The following REV3L variants were observed in gnomAD, a reference collection of about 807,000 sequenced individuals.
The protein encoded by REV3L is REV3 like, DNA directed polymerase zeta catalytic subunit.
Under a neutral mutation model 299.4 loss-of-function variants are expected in REV3L, and 69 were observed. The ratio of observed to expected loss-of-function variants is 0.23; its 90% CI spans 0.19 to 0.28. The LOEUF (loss-of-function observed/expected upper bound fraction) is 0.28. REV3L is among the 10% of genes least tolerant of loss of function. The pLI, the probability that REV3L is intolerant of heterozygous loss-of-function variation, is 1.00. For missense variants in REV3L, 3,128 were observed against 3,693.8 expected (o/e 0.85, Z 3.97); for synonymous variants, 1,238 against 1,271.4 (o/e 0.97, Z 0.56).
In REV3L at chr6:111,389,086, G is replaced by C. The variant is rs780010677; in HGVS notation, c.862+20C>G. 1 of 1,526,394 alleles carries C rather than the reference G, an allele frequency of 6.6e-7. No individual in the cohort carries two copies. The allele number at this position is 1,526,394 out of a possible 1,614,324, so 94.6% of individuals were successfully genotyped here. On this transcript the variant is annotated intron_variant, in intron 7 of 31. Transcript: ENST00000368802. The stretch of plus-strand genomic sequence containing the variant: ...AATACTTGATTTAAAAGAATAATCA[G>C]AGCACTATTAGGTTTATACCTTGTG...
chr6:111,375,583 C>T lies in REV3L; in HGVS notation c.2772G>A (p.Lys924=), dbSNP rs1241519031. ...CACTGTCTTCAGTCTCATAATTTAC[C>T]TTGCGTTTGGCTCTAAGTGTGTATT... ...GNKYTLRAKR[K]VNYETEDSES... Residue 924 remains lysine (K), a synonymous_variant, in exon 13 of 32, where the codon AAG becomes AAA. Transcript: ENST00000368802. 13 of 1,613,666 alleles carry T rather than the reference C, an allele frequency of 8.1e-6. No individual in the cohort carries two copies. The highest frequency in any genetic ancestry group is 1.1e-5 in the Non-Finnish European group (13 of 1,179,862).
Position 111,374,231 on chromosome 6 carries a change from G to A in REV3L, c.4124C>T (p.Ser1375Phe), listed in dbSNP as rs745934734. 6.2e-7 allele frequency: 1 copy of A among 1,613,526 alleles called. No homozygotes were observed. The highest frequency in any genetic ancestry group is 8.5e-7 in the Non-Finnish European group (1 of 1,179,554). Residue 1375 changes from serine (S) to phenylalanine (F), a missense_variant, in exon 13 of 32, where the codon TCT becomes TTT. Ser to Phe is a radical substitution (Grantham distance 155). Coordinates refer to ENST00000368802, the MANE Select transcript of REV3L (RefSeq NM_001372078.1). ...LSQVAQNTQISSGMSSKIEDN... is the reference protein window; with the variant it reads ...LSQVAQNTQIFSGMSSKIEDN... ...TTCTATCTTTGAGGACATACCAGAA[G>A]ATATCTGTGTATTCTGTGCTACCTG...
chr6:111,302,534 T>C (rs914582925), intron 31 of REV3L, among the ~76,000 whole-genome samples: 1 of 152,198 alleles, frequency 6.6e-6, no homozygotes, highest in Non-Finnish European at 1.5e-5. Flanking sequence ...TTGTAGCACA[T>C]AGGGAGGCAG....
intron 25 of REV3L, among the ~76,000 whole-genome samples, chr6:111,329,121 G>A (rs577988168): frequency 6.6e-6 from 1 of 152,136 alleles, no homozygotes; most frequent in African/African-American, 2.4e-5. Flanking sequence ...TTGGCTCACT[G>A]CAACCTCTGC....
intron 29 of REV3L, 81 bp downstream of exon 29, chr6:111,310,988 T>C: frequency 8.9e-7 from 1 of 1,128,436 alleles, no homozygotes. Flanking sequence ...TCTGTGTCTA[T>C]GGACTGTCTT....
At chr6:111,391,603 A>G (rs1005626176) in intron 5 of REV3L, among the ~76,000 whole-genome samples, 6 of 152,162 alleles carry the variant, frequency 3.9e-5, no homozygotes, top group Non-Finnish European at 7.4e-5. Flanking sequence ...ATCATAATAT[A>G]TTCCTTTCTC....
In REV3L at chr6:111,351,636, C is replaced by A. The variant is rs748227596; in HGVS notation, c.7300+40G>T. ...CTGTCTTTATTTCCTTTATAATTTG[C>A]TCTGTAGTTGAATGACAAAACATTC... On this transcript the variant is annotated intron_variant, in intron 19 of 31. Coordinates refer to ENST00000368802, the MANE Select transcript of REV3L (RefSeq NM_001372078.1). 12 of 1,465,886 alleles carry A rather than the reference C, an allele frequency of 8.2e-6. No individual in the cohort carries two copies. In the Admixed American group the frequency reaches 1.9e-4, roughly 24 times the overall value. The allele number at this position is 1,465,886 out of a possible 1,614,324, so 90.8% of individuals were successfully genotyped here.
chr6:111,393,353 T>C (rs1368756630), intron 4 of REV3L, among the ~76,000 whole-genome samples: 1 of 152,154 alleles, frequency 6.6e-6, no homozygotes, highest in Non-Finnish European at 1.5e-5. Context: ...TACTCATAAA[T>C]TACAGATCCC....
chr6:111,481,187 C>T (rs909485690), intron 1 of REV3L, among the ~76,000 whole-genome samples: 4 of 152,264 alleles, frequency 2.6e-5, no homozygotes, highest in African/African-American at 4.8e-5. Context: ...TAGCATGTCA[C>T]TTTATGATTC....
chr6:111,471,621 A>C (rs920006532), intron 1 of REV3L, among the ~76,000 whole-genome samples: 54 of 152,244 alleles, frequency 3.5e-4, no homozygotes, highest in Non-Finnish European at 6.5e-4. Flanking sequence ...TAATAATGCT[A>C]TGCTGTAGAA....
chr6:111,387,043 C>A (rs1002864618), intron 9 of REV3L, among the ~76,000 whole-genome samples: 3 of 151,956 alleles, frequency 2.0e-5, no homozygotes, highest in African/African-American at 7.3e-5. Context: ...TCTTACCAGG[C>A]AAAAGTGAAA....
At chr6:111,430,984 G>T (rs998465369) in intron 1 of REV3L, 2 of 1,575,480 alleles carry the variant, frequency 1.3e-6, no homozygotes, top group Admixed American at 3.6e-5. Flanking sequence ...CTTTGCAGGG[G>T]TTCAAAGAGG....
At chr6:111,358,604 T>C (rs1404473515) in intron 17 of REV3L, among the ~76,000 whole-genome samples, 1 of 152,106 alleles carries the variant, frequency 6.6e-6, no homozygotes, top group African/African-American at 2.4e-5. Context: ...TGGGACTATA[T>C]ATAAGCAGGC....
chr6:111,463,480 T>C (rs981404203), intron 1 of REV3L, among the ~76,000 whole-genome samples: 3 of 152,220 alleles, frequency 2.0e-5, no homozygotes, highest in Non-Finnish European at 4.4e-5. Context: ...AGAAAAGTGC[T>C]GTTAAGTAAA....
intron 1 of REV3L, among the ~76,000 whole-genome samples, chr6:111,453,658 G>A (rs557779681): frequency 6.0e-4 from 92 of 152,258 alleles, no homozygotes; most frequent in African/African-American, 2.1e-3. Flanking sequence ...ATTATCACAA[G>A]AATATTTCCT....
chr6:111,388,287 C>T (rs1781545859), intron 7 of REV3L, among the ~76,000 whole-genome samples: 2 of 152,078 alleles, frequency 1.3e-5, no homozygotes, highest in African/African-American at 4.8e-5. Context: ...GCACTTAAGT[C>T]AGTTCAAGAT....
intron 1 of REV3L, among the ~76,000 whole-genome samples, chr6:111,443,289 C>CA (rs1788487054): frequency 6.6e-6 from 1 of 152,066 alleles, no homozygotes; most frequent in Non-Finnish European, 1.5e-5. Flanking sequence ...GCTGGGACTA[C>CA]AGGCGCCGCC....
chr6:111,431,376 C>T, intron 1 of REV3L: 1 of 964,252 alleles, frequency 1.0e-6, no homozygotes, highest in East Asian at 2.4e-5. Context: ...TCAAGACAGG[C>T]TCATAGCGCT....
intron 4 of REV3L, among the ~76,000 whole-genome samples, chr6:111,402,103 C>G (rs1268494347): frequency 6.6e-6 from 1 of 151,864 alleles, no homozygotes; most frequent in African/African-American, 2.4e-5. Context: ...ACAGCAAAAC[C>G]CTGTCTTACA....
Sources: gnomAD v4.1 joint callset for allele counts (sites outside exome capture counted in the v4.1 genomes callset) on GRCh38, gnomAD v4.1.1 for gene constraint, MANE v1.5 for transcripts, NCBI Gene and HGNC (gene_info 2026-07-23, HGNC 2026-07-21) for gene names.